MIPOL1: variants seen among roughly 807,000 people sequenced by gnomAD.
The protein encoded by MIPOL1 is mirror-image polydactyly gene 1 protein.
MIPOL1 carries 57 observed loss-of-function variants against 60.9 expected under a neutral mutation model. The ratio of observed to expected loss-of-function variants is 0.94; its 90% CI spans 0.76 to 1.17. The LOEUF (loss-of-function observed/expected upper bound fraction) is 1.17. Among genes scored for constraint, MIPOL1 ranks in the 50% most tolerant of loss-of-function variants. MIPOL1 has a pLI of 0.00. For missense variants in MIPOL1, 551 were observed against 511.6 expected (o/e 1.08, Z -0.74); for synonymous variants, 179 against 168.8 (o/e 1.06, Z -0.47).
chr14:37,519,656 CACTGTTACAGGGGAAAAAAAAG>C (rs1379305020), intron 12 of MIPOL1, among the ~76,000 whole-genome samples: 1 of 151,884 alleles, frequency 6.6e-6, no homozygotes, highest in African/African-American at 2.4e-5. Flanking sequence ...ATGAAAAAGA[CACTGTTACAGGGGAAAAAAAAG>C]ACTGTTACAG....
chr14:37,377,829 C>T (rs1487807771), intron 10 of MIPOL1, among the ~76,000 whole-genome samples: 1 of 147,914 alleles, frequency 6.8e-6, no homozygotes, highest in African/African-American at 2.5e-5. Context: ...CTCACTATAA[C>T]CTCCAATTCC....
intron 7 of MIPOL1, among the ~76,000 whole-genome samples, chr14:37,296,790 C>T (rs531273288): frequency 1.3e-5 from 2 of 152,088 alleles, no homozygotes; most frequent in African/African-American, 2.4e-5. Flanking sequence ...CAATAACAGG[C>T]TCTGAAATTG....
chr14:37,329,842 T>A (rs1311565035), intron 9 of MIPOL1, among the ~76,000 whole-genome samples: 1 of 152,194 alleles, frequency 6.6e-6, no homozygotes, highest in African/African-American at 2.4e-5. Flanking sequence ...TAGGTTATAC[T>A]GTTGTTTGTT....
At chr14:37,487,702 A>T (rs1173757876) in intron 11 of MIPOL1, among the ~76,000 whole-genome samples, 1 of 151,880 alleles carries the variant, frequency 6.6e-6, no homozygotes, top group Non-Finnish European at 1.5e-5. Context: ...ATCACTTTTT[A>T]TTGCATCTAT....
At chr14:37,444,823 A>G (rs1215070092) in intron 11 of MIPOL1, among the ~76,000 whole-genome samples, 1 of 152,172 alleles carries the variant, frequency 6.6e-6, no homozygotes, top group Non-Finnish European at 1.5e-5. Context: ...AAAGACAAAA[A>G]CCACATGATT....
intron 1 of MIPOL1, among the ~76,000 whole-genome samples, chr14:37,237,489 C>G (rs565186368): frequency 7.2e-5 from 11 of 152,242 alleles, no homozygotes; most frequent in Non-Finnish European, 1.3e-4. Flanking sequence ...CTCCAGCCAG[C>G]AAAGTTGGTT....
At chr14:37,464,234 G>T (rs2094572245) in intron 11 of MIPOL1, among the ~76,000 whole-genome samples, 1 of 119,914 alleles carries the variant, frequency 8.3e-6, no homozygotes, top group Non-Finnish European at 1.7e-5. Context: ...CTACCATTCA[G>T]CACAGCAATT....
intron 11 of MIPOL1, among the ~76,000 whole-genome samples, chr14:37,483,321 A>G (rs1334040137): frequency 1.3e-5 from 2 of 151,872 alleles, no homozygotes; most frequent in Non-Finnish European, 2.9e-5. Context: ...TGCCACGTTG[A>G]CCAGACTGGT....
intron 11 of MIPOL1, among the ~76,000 whole-genome samples, chr14:37,428,911 G>A (rs1009003837): frequency 6.6e-6 from 1 of 152,122 alleles, no homozygotes; most frequent in East Asian, 1.9e-4. Flanking sequence ...ACTTACCACT[G>A]TAGCTGATAG....
At chr14:37,208,507 AATAC>A (rs2139245177) in intron 1 of MIPOL1, among the ~76,000 whole-genome samples, 1 of 152,332 alleles carries the variant, frequency 6.6e-6, no homozygotes, top group South Asian at 2.1e-4. Flanking sequence ...CATAGCAAGT[AATAC>A]ATGAAAAGTA....
Position 37,429,243 on chromosome 14 carries a change from G to A in MIPOL1, c.1031+6294G>A, listed in dbSNP as rs187638057. ...TTCTAATTGAGGGAATGCCTGTTTC[G>A]ATGTTTGCTGATTTTATAGTGCTTC... On this transcript the variant is annotated intron_variant, in intron 11 of 12. Coordinates refer to ENST00000684589, the MANE Select transcript of MIPOL1 (RefSeq NM_001388067.1). Among the ~76,000 whole-genome samples, 707 of 152,160 alleles carry A rather than the reference G, an allele frequency of 4.6e-3. 4 individuals carry two copies. Among genetic ancestry groups the A allele is most frequent in the African/African-American group, 0.015 (627 of 41,530 alleles).
intron 10 of MIPOL1, among the ~76,000 whole-genome samples, chr14:37,379,167 G>T (rs1451726624): frequency 6.6e-6 from 1 of 151,956 alleles, no homozygotes; most frequent in Non-Finnish European, 1.5e-5. Context: ...CATACTTATG[G>T]TCAATTGACT....
rs542183486 is a variant in MIPOL1, at chr14:37,364,671, T to C, written c.829-4846T>C. Among the ~76,000 whole-genome samples the C allele has an allele frequency of 7.2e-5, 11 of 152,334 alleles. No homozygotes were observed. The South Asian group carries it at 2.3e-3, about 32-fold the overall frequency. ...TGAAGTAAAGAGATTCCTCCAGTTT[T>C]GTTCTTTTTGCTTAGGGTAACTTTG... On this transcript the variant is annotated intron_variant, in intron 9 of 12. Coordinates refer to ENST00000684589, the MANE Select transcript of MIPOL1 (RefSeq NM_001388067.1).
chr14:37,287,864 A>G (rs370866762), intron 7 of MIPOL1, among the ~76,000 whole-genome samples: 5 of 152,204 alleles, frequency 3.3e-5, no homozygotes, highest in African/African-American at 1.2e-4. Context: ...CCTGGACTCA[A>G]GCAATCTGCC....
At position 37,414,779 on chromosome 14, in the gene MIPOL1, C is replaced by T. The variant is rs544176802; in HGVS notation, c.937-8076C>T. Among the ~76,000 whole-genome samples, 21 of 152,182 alleles carry T rather than the reference C, an allele frequency of 1.4e-4. 1 individual carries two copies. The South Asian group carries it at 3.5e-3, about 26-fold the overall frequency. On this transcript the variant is annotated intron_variant, in intron 10 of 12. Transcript: ENST00000684589. ...GAAACCGAATCCAAGTAAACAGGCA[C>T]AGGTCTGGATTCAAGATTAAGCCAA...
At chr14:37,524,494 A>G (rs1187340579) in intron 12 of MIPOL1, among the ~76,000 whole-genome samples, 1 of 151,594 alleles carries the variant, frequency 6.6e-6, no homozygotes, top group Non-Finnish European at 1.5e-5. Context: ...GAATTTCAGT[A>G]GTATGTAAAT....
chr14:37,241,127 C>T (rs768131473), intron 1 of MIPOL1, among the ~76,000 whole-genome samples: 2 of 152,112 alleles, frequency 1.3e-5, no homozygotes, highest in Admixed American at 6.5e-5. Context: ...TCCAGTTTAA[C>T]GACTACTGAG....
At chr14:37,321,733 A>C (rs535757837) in intron 9 of MIPOL1, among the ~76,000 whole-genome samples, 2 of 151,850 alleles carry the variant, frequency 1.3e-5, no homozygotes, top group South Asian at 2.1e-4. Flanking sequence ...TTTTCATTTT[A>C]TTTATTTTGA....
intron 9 of MIPOL1, among the ~76,000 whole-genome samples, chr14:37,322,738 C>T (rs1008248371): frequency 1.3e-5 from 2 of 151,988 alleles, no homozygotes; most frequent in Non-Finnish European, 2.9e-5. Context: ...TGATGATGAG[C>T]TTTTTTTCAT....
Sources: gnomAD v4.1 joint callset for allele counts (sites outside exome capture counted in the v4.1 genomes callset) on GRCh38, gnomAD v4.1.1 for gene constraint, MANE v1.5 for transcripts, NCBI Gene and HGNC (gene_info 2026-07-23, HGNC 2026-07-21) for gene names.